COL28A1: variants seen among roughly 807,000 people sequenced by gnomAD.
COL28A1 encodes collagen type XXVIII alpha 1 chain, also known as collagen alpha-1(XXVIII) chain.
COL28A1 carries 161 observed loss-of-function variants against 150.2 expected under a neutral mutation model. The ratio of observed to expected loss-of-function variants is 1.07; its 90% CI spans 0.94 to 1.22. COL28A1 has a LOEUF of 1.22. Ranked by LOEUF, COL28A1 falls within the 50% of genes most tolerant of loss-of-function variation. COL28A1 has a pLI of 0.00. For synonymous variants in COL28A1, 552 were observed against 469.7 expected (o/e 1.18, Z -2.26); for missense variants, 1,617 against 1,388.3 (o/e 1.16, Z -2.62).
At chr7:7,340,012 A>G in the COL28A1 span, among the ~76,000 whole-genome samples, 1 of 152,058 alleles carries the variant, frequency 6.6e-6, no homozygotes, top group Non-Finnish European at 1.5e-5. Context: ...TTTCATTGAG[A>G]CAAGGTCTCA....
the COL28A1 span, among the ~76,000 whole-genome samples, chr7:7,339,299 C>T: frequency 6.6e-6 from 1 of 152,132 alleles, no homozygotes; most frequent in East Asian, 1.9e-4. Context: ...ACTTCCTATT[C>T]ACTCCCTTAA....
intron 33 of COL28A1, among the ~76,000 whole-genome samples, chr7:7,368,897 T>C (rs886161283): frequency 2.0e-5 from 3 of 152,228 alleles, no homozygotes; most frequent in Admixed American, 1.3e-4. Context: ...GCTTCCTTCA[T>C]AGCTCTGGCT....
chr7:7,517,096 A>T (rs191355654), intron 7 of COL28A1, among the ~76,000 whole-genome samples: 1 of 152,144 alleles, frequency 6.6e-6, no homozygotes, highest in Non-Finnish European at 1.5e-5. Context: ...CCTGAACACA[A>T]ATTTCAGATT....
chr7:7,510,814 A>C lies in COL28A1; in HGVS notation c.927+277T>G, dbSNP rs1295709033. Reference sequence around the variant, plus strand: ...CTTTAATTAACTTTGCAGGTTAAATAATTCTTTTTACCATAACATTCAGTG... The same window carrying C: ...CTTTAATTAACTTTGCAGGTTAAATCATTCTTTTTACCATAACATTCAGTG... On this transcript the variant is annotated intron_variant, in intron 9 of 34. Transcript: ENST00000399429. Among the ~76,000 whole-genome samples, 4 of 152,330 alleles carry C rather than the reference A, an allele frequency of 2.6e-5. 1 individual carries two copies. In the East Asian group the frequency reaches 5.8e-4, roughly 22 times the overall value.
chr7:7,341,534 C>T, the COL28A1 span, among the ~76,000 whole-genome samples: 31 of 152,146 alleles, frequency 2.0e-4, no homozygotes, highest in African/African-American at 3.4e-4. Context: ...TCTTAGCCTC[C>T]GGAGTAGCCA....
rs1280139065 is a variant in COL28A1 at position 7,373,227 on chromosome 7, T to C, written c.2679A>G (p.Pro893=). ...TGACCAAGGCCACTTTTTTTACACC[T>C]GGCCTTGCATCTTCAAACATGTCGT... The part of the protein sequence containing the change: ...AANDMFEDAR[P]GVKKVALVIT... Residue 893 remains proline, a synonymous_variant, in exon 32 of 35, where the codon CCA becomes CCG. Transcript: ENST00000399429. This position sits in a 1 kb window ranked among gnomAD's most constrained non-coding sequence, Gnocchi z 4.1. The C allele has an allele frequency of 6.2e-7, 1 of 1,614,244 alleles. No homozygotes were observed. The highest frequency in any genetic ancestry group is 2.2e-5 in the East Asian group (1 of 44,884).
At chr7:7,524,288 T>C in intron 3 of COL28A1, 39 bp from the exon 4 acceptor site, 3 of 1,113,022 alleles carry the variant, frequency 2.7e-6, no homozygotes, top group Admixed American at 1.7e-5. Context: ...ACTCGATTGA[T>C]AGTTCTGCCT....
intron 21 of COL28A1, among the ~76,000 whole-genome samples, chr7:7,438,213 C>T (rs1229677142): frequency 6.6e-6 from 1 of 152,152 alleles, no homozygotes; most frequent in Non-Finnish European, 1.5e-5. Flanking sequence ...GATCGCATCA[C>T]TGCACTCCAG....
chr7:7,538,832 TCCCACACTG>T (rs1036785204), upstream of COL28A1, among the ~76,000 whole-genome samples: 9 of 151,434 alleles, frequency 5.9e-5, no homozygotes, highest in Non-Finnish European at 8.8e-5. Flanking sequence ...TTTAGCCACC[TCCCACACTG>T]CTGATCTAGA....
Position 7,477,117 on chromosome 7 carries a change from G to C in COL28A1, c.1228C>G (p.Pro410Ala). The stretch of plus-strand genomic sequence containing the variant: ...GGTACAGAAGGTATTGTTACCTTTG[G>C]TCCTGGAAATCCTTCTCCGGGTAAG... ...RGLPGEGFPG[P>A]KGEKGSEGPT... Residue 410 changes from proline to alanine, a missense_variant, in exon 14 of 35, where the codon CCA (proline) becomes GCA (alanine). Physicochemically the swap from Pro to Ala is conservative, Grantham distance 27. Coordinates refer to ENST00000399429, the MANE Select transcript of COL28A1 (RefSeq NM_001037763.3). 1 of 1,202,330 alleles carries C rather than the reference G, an allele frequency of 8.3e-7. No homozygotes were observed. The highest frequency in any genetic ancestry group is 1.2e-5 in the South Asian group (1 of 83,050). The allele number at this position is 1,202,330 out of a possible 1,614,324, so 74.5% of individuals were successfully genotyped here.
chr7:7,471,517 C>T (rs1222370168), intron 15 of COL28A1, among the ~76,000 whole-genome samples: 2 of 152,100 alleles, frequency 1.3e-5, no homozygotes, highest in Non-Finnish European at 2.9e-5. Context: ...AAAGATAATC[C>T]ACCATGATCA....
intron 15 of COL28A1, among the ~76,000 whole-genome samples, chr7:7,460,618 G>A (rs1285082526): frequency 1.3e-5 from 2 of 151,894 alleles, no homozygotes; most frequent in East Asian, 1.9e-4. Context: ...TCCTGACCTC[G>A]TGATCCGCCC....
intron 3 of COL28A1, among the ~76,000 whole-genome samples, chr7:7,530,278 C>T (rs889774011): frequency 1.1e-4 from 16 of 152,148 alleles, no homozygotes; most frequent in African/African-American, 3.9e-4. Context: ...ATGCCTAATA[C>T]AGAGAGAGTA....
intron 30 of COL28A1, among the ~76,000 whole-genome samples, chr7:7,379,531 C>T (rs1313733454): frequency 6.6e-6 from 1 of 152,100 alleles, no homozygotes; most frequent in African/African-American, 2.4e-5. Context: ...TTGTCTTTCT[C>T]TCCACCAGGC....
At chr7:7,515,491 T>C (rs980443472) in intron 8 of COL28A1, among the ~76,000 whole-genome samples, 4 of 152,224 alleles carry the variant, frequency 2.6e-5, no homozygotes, top group Non-Finnish European at 4.4e-5. Flanking sequence ...ATTTGCAGTA[T>C]TGCTGAATCT....
intron 24 of COL28A1, 40 bp downstream of exon 24, chr7:7,432,592 C>A: frequency 6.2e-7 from 1 of 1,612,098 alleles, no homozygotes; most frequent in African/African-American, 1.3e-5. Flanking sequence ...GTATGCAACA[C>A]TCAAAAAGGA....
At chr7:7,399,167 C>T (rs1291243771) in intron 27 of COL28A1, among the ~76,000 whole-genome samples, 8 of 152,122 alleles carry the variant, frequency 5.3e-5, no homozygotes, top group Admixed American at 1.3e-4. Flanking sequence ...TCTTGGCTTT[C>T]CTTTCTCCAC....
At position 7,445,687 on chromosome 7, in the gene COL28A1, G is replaced by A. The variant is rs140147923; in HGVS notation, c.1510-1198C>T. On this transcript the variant is annotated intron_variant, in intron 18 of 34. Transcript: ENST00000399429. Reference sequence around the variant, plus strand: ...TTCAATCAGTTTAAAGCATCTTTATGGCATTTATTAATAGCAACAAAATGG... The same window carrying A: ...TTCAATCAGTTTAAAGCATCTTTATAGCATTTATTAATAGCAACAAAATGG... 1.5e-3 allele frequency among the ~76,000 whole-genome samples: 228 copies of A among 152,106 alleles called. 2 individuals are homozygous for A. The highest frequency in any genetic ancestry group is 5.0e-3 in the African/African-American group (209 of 41,450).
intron 8 of COL28A1, among the ~76,000 whole-genome samples, chr7:7,514,917 G>A (rs1781339257): frequency 6.6e-6 from 1 of 152,166 alleles, no homozygotes; most frequent in South Asian, 2.1e-4. Flanking sequence ...TGGAAAGGAG[G>A]TTTTTGTATG....
Sources: gnomAD v4.1 joint callset for allele counts (sites outside exome capture counted in the v4.1 genomes callset) on GRCh38, gnomAD v4.1.1 for gene constraint, Gnocchi (gnomAD v3.1) non-coding constraint, MANE v1.5 for transcripts, NCBI Gene and HGNC (gene_info 2026-07-23, HGNC 2026-07-21) for gene names.